The following NR3C2 variants were observed in gnomAD, a reference collection of about 807,000 sequenced individuals.
NR3C2 encodes the protein mineralocorticoid receptor.
In NR3C2, 15 loss-of-function variants were observed where a neutral mutation model predicts 86.4. That is an observed-to-expected ratio of 0.17 (90% CI 0.12 to 0.27). The LOEUF (loss-of-function observed/expected upper bound fraction) is 0.27, where lower values mean the gene tolerates loss of function less well. Among genes scored for constraint, NR3C2 ranks in the 10% least tolerant of loss-of-function variants. The pLI is 1.00. For synonymous variants in NR3C2, 458 were observed against 450.5 expected (o/e 1.02, Z -0.21); for missense variants, 960 against 1,195.6 (o/e 0.80, Z 2.91).
At chr4:148,186,996 G>GTATATATATATATATA (rs1162757665) in intron 4 of NR3C2, among the ~76,000 whole-genome samples, 3 of 27,198 alleles carry the variant, frequency 1.1e-4, no homozygotes, top group East Asian at 2.5e-3. Flanking sequence ...GTGTATGTAT[G>GTATATATATATATATA]TATATATATA....
At chr4:148,240,300 C>T (rs1469052420) in intron 3 of NR3C2, among the ~76,000 whole-genome samples, 2 of 149,048 alleles carry the variant, frequency 1.3e-5, no homozygotes, top group East Asian at 3.9e-4. Flanking sequence ...TCATACAAGT[C>T]TTTAAACCCC....
intron 1 of NR3C2, among the ~76,000 whole-genome samples, chr4:148,441,836 C>T (rs1252555985): frequency 6.6e-6 from 1 of 152,222 alleles, no homozygotes; most frequent in African/African-American, 2.4e-5. Flanking sequence ...ATTATTCAAA[C>T]GTCCTTTAAA....
At chr4:148,389,554 A>G (rs1317097225) in intron 2 of NR3C2, among the ~76,000 whole-genome samples, 2 of 152,106 alleles carry the variant, frequency 1.3e-5, no homozygotes, top group Non-Finnish European at 1.5e-5. Flanking sequence ...ATCTCCTAGT[A>G]TTACTTTTAT....
intron 3 of NR3C2, among the ~76,000 whole-genome samples, chr4:148,198,707 TAA>T (rs900503333): frequency 7.4e-6 from 1 of 135,594 alleles, no homozygotes. Flanking sequence ...AAGAAAGAAC[TAA>T]AAAAAAAAAG....
At chr4:148,222,096 C>A (rs1481249953) in intron 3 of NR3C2, among the ~76,000 whole-genome samples, 3 of 152,014 alleles carry the variant, frequency 2.0e-5, no homozygotes, top group African/African-American at 4.8e-5. Flanking sequence ...ATTACTATGA[C>A]TGTTATTGAC....
upstream of NR3C2, chr4:148,442,507 G>A (rs1750404633): frequency 6.1e-6 from 2 of 326,446 alleles, no homozygotes; most frequent in Non-Finnish European, 8.8e-6. Context: ...GCCAGCTGGA[G>A]GGCTGGCCCT....
intron 2 of NR3C2, among the ~76,000 whole-genome samples, chr4:148,318,026 TC>T (rs1743307656): frequency 1.2e-5 from 1 of 81,644 alleles, no homozygotes; most frequent in African/African-American, 4.7e-5. Flanking sequence ...CCCTCCCCCC[TC>T]CCCCCACCCC....
At chr4:148,178,944 A>AC (rs905825494) in intron 4 of NR3C2, among the ~76,000 whole-genome samples, 2 of 151,032 alleles carry the variant, frequency 1.3e-5, no homozygotes, top group African/African-American at 4.8e-5. Context: ...AAAAAAAAAA[A>AC]AAACAAAAAA....
chr4:148,217,165 C>T (rs952770219), intron 3 of NR3C2, among the ~76,000 whole-genome samples: 2 of 152,154 alleles, frequency 1.3e-5, no homozygotes, highest in Non-Finnish European at 2.9e-5. Context: ...GCAATGGGTT[C>T]CCCGTGGTCA....
chr4:148,388,111 A>T (rs1747360388), intron 2 of NR3C2, among the ~76,000 whole-genome samples: 1 of 152,194 alleles, frequency 6.6e-6, no homozygotes, highest in African/African-American at 2.4e-5. Flanking sequence ...AAATTCTAAT[A>T]AGTTGAAATG....
chr4:148,199,458 C>T (rs919796157), intron 3 of NR3C2, among the ~76,000 whole-genome samples: 5 of 152,028 alleles, frequency 3.3e-5, no homozygotes, highest in African/African-American at 1.2e-4. Context: ...ATTTCTCTCG[C>T]TATCTCTTTT....
At chr4:148,099,779 T>C (rs1731451935) in intron 8 of NR3C2, among the ~76,000 whole-genome samples, 1 of 152,140 alleles carries the variant, frequency 6.6e-6, no homozygotes, top group African/African-American at 2.4e-5. Flanking sequence ...TCCCAAAATC[T>C]CCCCTAGATA....
intron 2 of NR3C2, among the ~76,000 whole-genome samples, chr4:148,265,167 G>C (rs550435353): frequency 6.6e-6 from 1 of 152,240 alleles, no homozygotes; most frequent in African/African-American, 2.4e-5. Flanking sequence ...TGTAAAGACA[G>C]TATTTCTCTT....
intron 2 of NR3C2, among the ~76,000 whole-genome samples, chr4:148,359,325 A>G (rs1180308085): frequency 2.0e-5 from 3 of 152,194 alleles, no homozygotes; most frequent in East Asian, 3.9e-4. Context: ...ACCTAGATGT[A>G]ATTTTTAGAA....
At chr4:148,185,504 T>C (rs1001686650) in intron 4 of NR3C2, among the ~76,000 whole-genome samples, 6 of 152,220 alleles carry the variant, frequency 3.9e-5, no homozygotes, top group African/African-American at 1.4e-4. Context: ...TAATTAGTTT[T>C]TTGAACTACT....
At chr4:148,216,321 T>A (rs1737534995) in intron 3 of NR3C2, among the ~76,000 whole-genome samples, 1 of 152,136 alleles carries the variant, frequency 6.6e-6, no homozygotes, top group South Asian at 2.1e-4. Context: ...AAATAGCATT[T>A]CCTGGTCAAC....
chr4:148,442,669 GC>G (rs1750412054), upstream of NR3C2: 1 of 985,382 alleles, frequency 1.0e-6, no homozygotes, highest in Admixed American at 6.1e-5. Flanking sequence ...CACCAGGCGG[GC>G]GACATGACTG....
chr4:148,184,975 C>G (rs2149794173), intron 4 of NR3C2, among the ~76,000 whole-genome samples: 1 of 152,282 alleles, frequency 6.6e-6, no homozygotes, highest in East Asian at 1.9e-4. Flanking sequence ...AAACATGGGG[C>G]CATAATGCCT....
At chr4:148,194,056 G>C (rs1736328021) in intron 4 of NR3C2, among the ~76,000 whole-genome samples, 1 of 152,116 alleles carries the variant, frequency 6.6e-6, no homozygotes, top group Admixed American at 6.5e-5. Flanking sequence ...AATTATTGTA[G>C]CTATAATATG....
Sources: allele counts gnomAD v4.1 joint callset (sites outside exome capture counted in the v4.1 genomes callset), GRCh38; gene constraint gnomAD v4.1.1; transcripts MANE v1.5; gene names NCBI Gene and HGNC (gene_info 2026-07-23, HGNC 2026-07-21).